Variants in IK observed in about 807,000 individuals in gnomAD.
IK encodes protein Red.
A neutral mutation model predicts 90.9 loss-of-function variants in IK; 47 were observed. That is an observed-to-expected ratio of 0.52 (90% CI 0.41 to 0.66). The LOEUF is 0.66. Ranked by LOEUF, IK falls within the 30% of genes least tolerant of loss-of-function variation. The pLI is 0.00. For missense variants in IK, 385 were observed against 709.3 expected (o/e 0.54, Z 5.19); for synonymous variants, 201 against 227.5 (o/e 0.88, Z 1.05).
chr5:140,654,663 A>C lies in IK; in HGVS notation c.591-18A>C. 1 of 1,596,352 alleles carries C rather than the reference A, an allele frequency of 6.3e-7. No individual in the cohort carries two copies. Among genetic ancestry groups the C allele is most frequent in the Non-Finnish European group, 8.6e-7 (1 of 1,168,832 alleles). ...TTAGAGCACATTTAGCAAAAATAAA[A>C]CTTTTTTGTCTTTTCAGGAAAGATG... On this transcript the variant is annotated intron_variant, in intron 7 of 19. Coordinates refer to ENST00000417647, the MANE Select transcript of IK (RefSeq NM_006083.4).
At chr5:140,648,775 C>T (rs1400958642) in intron 2 of IK, 10 of 515,632 alleles carry the variant, frequency 1.9e-5, no homozygotes, top group Middle Eastern at 5.2e-4. Flanking sequence ...TGTGTAATTA[C>T]ACATTATATA....
At position 140,655,984 on chromosome 5, in the gene IK, AC is replaced by A; in HGVS notation, c.795del (p.Met266TrpfsTer7). On this transcript the variant is annotated frameshift_variant, in exon 9 of 20. Transcript: ENST00000417647. LOFTEE classifies it high-confidence loss of function. ...TLIRSKADCP[T>X]MEAQTTLTTN... ...TATCCGCAGCAAGGCTGATTGCCCC[AC>A]CATGGAGGTGAGTGAATGGAATCCT... The A allele has an allele frequency of 6.4e-7, 1 of 1,552,230 alleles. No homozygotes were observed. Among genetic ancestry groups the A allele is most frequent in the Non-Finnish European group, 8.7e-7 (1 of 1,147,186 alleles).
rs200709351 is a variant in IK, at chr5:140,659,024, C to T, written c.1036C>T (p.Arg346Cys). 163 of 1,611,836 alleles carry T rather than the reference C, an allele frequency of 1.0e-4. No individual in the cohort carries two copies. The highest frequency in any genetic ancestry group is 1.2e-4 in the Non-Finnish European group (147 of 1,178,236). The change falls in exon 12 of 20, where the codon CGT becomes TGT. Residue 346 changes from arginine to cysteine, a missense_variant. Transcript: ENST00000417647. Reference sequence around the variant, plus strand: ...GCGGGAGAGATATCGGGAACGGGAGCGTGATCGGGAAAGAGACAGAGACCG... The same window carrying T: ...GCGGGAGAGATATCGGGAACGGGAGTGTGATCGGGAAAGAGACAGAGACCG... ...KERERYRERE[R>C]DRERDRDRDR...
In IK at chr5:140,652,244, T is replaced by C. The variant is rs183127570; in HGVS notation, c.236+97T>C. On this transcript the variant is annotated intron_variant, in intron 4 of 19. Transcript: ENST00000417647. ...TGAAGCTAGAAACTAAGATTTTGTC[T>C]TGAGGCTCTCTACTTTCTTAATGAA... 15 of 940,344 alleles carry C rather than the reference T, an allele frequency of 1.6e-5. No individual in the cohort carries two copies. In the African/African-American group the frequency reaches 2.1e-4, roughly 13 times the overall value. The allele number at this position is 940,344 out of a possible 1,614,324, so 58.3% of individuals were successfully genotyped here. A position where few individuals can be genotyped will look rare whatever the true frequency, so the allele number is the denominator to read the frequency against.
chr5:140,648,579 T>A lies in IK; in HGVS notation c.83+42T>A, dbSNP rs558548348. Reference sequence around the variant, plus strand: ...AGGACCATGGAAATGAGTTGGGCAATGAATAGAAAAGTGGTGGTGATGGTG... The same window carrying A: ...AGGACCATGGAAATGAGTTGGGCAAAGAATAGAAAAGTGGTGGTGATGGTG... On this transcript the variant is annotated intron_variant, in intron 2 of 19. Coordinates refer to ENST00000417647, the MANE Select transcript of IK (RefSeq NM_006083.4). 120 of 1,569,824 alleles carry A rather than the reference T, an allele frequency of 7.6e-5. 3 individuals carry two copies. In the South Asian group the frequency reaches 1.3e-3, roughly 17 times the overall value.
intron 15 of IK, 76 bp from the exon 16 acceptor site, chr5:140,660,682 T>G (rs563224359): frequency 8.6e-7 from 1 of 1,165,782 alleles, no homozygotes; most frequent in African/African-American, 1.5e-5. Context: ...GCAGATAACC[T>G]CTTAGTCGGG....
At chr5:140,659,441 C>T (rs1757765481) in intron 13 of IK, 108 bp downstream of exon 13, 11 of 1,163,458 alleles carry the variant, frequency 9.5e-6, no homozygotes, top group Non-Finnish European at 1.4e-5. Context: ...GTTCTGGGTT[C>T]TTGTAAGAAC....
chr5:140,648,286 T>A, intron 1 of IK, 185 bp from the exon 2 acceptor site: 1 of 714,742 alleles, frequency 1.4e-6, no homozygotes, highest in South Asian at 1.5e-5. Flanking sequence ...CAGCGCAGGA[T>A]TAGGGTCCTC....
chr5:140,662,272 T>TA (rs1757811146), intron 19 of IK, 30 bp from the exon 20 acceptor site: 1 of 1,613,914 alleles, frequency 6.2e-7, no homozygotes, highest in Non-Finnish European at 8.5e-7. Context: ...GTATTGATCT[T>TA]ATACTGACCC....
Position 140,648,501 on chromosome 5 carries a change from A to G in IK, c.47A>G (p.Asp16Gly). Residue 16 changes from aspartate to glycine, a missense_variant, in exon 2 of 20, where the codon GAT becomes GGT. Transcript: ENST00000417647. Reference sequence around the variant, plus strand: ...CCGTTCTCCAACCCTTTGGCCCCCGATGGCCACGATGTGGATGATCCTCAC... The same window carrying G: ...CCGTTCTCCAACCCTTTGGCCCCCGGTGGCCACGATGTGGATGATCCTCAC... ...SEPFSNPLAP[D>G]GHDVDDPHSF... The G allele has an allele frequency of 6.2e-7, 1 of 1,614,020 alleles. No homozygotes were observed.
chr5:140,657,534 T>C lies in IK; in HGVS notation c.802-20T>C. 2 of 1,534,834 alleles carry C rather than the reference T, an allele frequency of 1.3e-6. No homozygotes were observed. The highest frequency in any genetic ancestry group is 1.8e-6 in the Non-Finnish European group (2 of 1,123,584). ...ATTTCTGCTGAGTGGTTTAACATTC[T>C]TGTTTCTTGGTATTTTCAGGCCCAG... is the stretch of plus-strand genomic sequence containing the variant. On this transcript the variant is annotated intron_variant, in intron 9 of 19. Transcript: ENST00000417647.
rs73791739 is a variant in IK at position 140,662,377 on chromosome 5, T to A, written c.*48T>A. 6,292 of 1,592,136 alleles carry A rather than the reference T, an allele frequency of 4.0e-3. 241 individuals carry two copies. The African/African-American group carries it at 0.076, about 19-fold the overall frequency. ...CTCCACAAGGATATGCTCCCCACTG[T>A]TTTCTTTCTACAATTTCCAAAGGTT... is the stretch of plus-strand genomic sequence containing the variant. On this transcript the variant is annotated 3_prime_UTR_variant, in exon 20 of 20. Coordinates refer to ENST00000417647, the MANE Select transcript of IK (RefSeq NM_006083.4).
At chr5:140,651,894 T>C (rs1366603996) in intron 3 of IK, 88 bp downstream of exon 3, 1 of 908,442 alleles carries the variant, frequency 1.1e-6, no homozygotes, top group African/African-American at 1.7e-5. Context: ...CTTTTAATAG[T>C]CCCTCAGGTA....
intron 6 of IK, 91 bp from the exon 7 acceptor site, chr5:140,654,425 T>G (rs1757671315): frequency 8.2e-6 from 8 of 977,250 alleles, no homozygotes; most frequent in Non-Finnish European, 1.2e-5. Context: ...ATGTTTAATA[T>G]TATATTCTTA....
intron 4 of IK, 66 bp downstream of exon 4, chr5:140,652,213 TA>T: frequency 1.7e-6 from 2 of 1,198,124 alleles, no homozygotes; most frequent in Non-Finnish European, 2.5e-6. Flanking sequence ...AAGTAGGGGC[TA>T]ATTATGAAGC....
intron 4 of IK, among the ~76,000 whole-genome samples, chr5:140,652,518 C>T (rs1247963291): frequency 1.3e-5 from 2 of 152,010 alleles, no homozygotes; most frequent in South Asian, 2.1e-4. Flanking sequence ...ATCTTGACGG[C>T]CATCATCATT....
intron 9 of IK, 37 bp from the exon 10 acceptor site, chr5:140,657,517 T>G: frequency 7.4e-7 from 1 of 1,354,512 alleles, no homozygotes; most frequent in Non-Finnish European, 1.0e-6. Context: ...AGATTTCTGC[T>G]GAGTGGTTTA....
At position 140,655,825 on chromosome 5, in the gene IK, G is replaced by T. The variant is rs370050707; in HGVS notation, c.638-4G>T. 1.2e-6 allele frequency: 2 copies of T among 1,609,616 alleles called. No homozygotes were observed. The highest frequency in any genetic ancestry group is 2.7e-5 in the African/African-American group (2 of 74,902). On this transcript the variant is annotated splice_region_variant and splice_polypyrimidine_tract_variant and intron_variant, in intron 8 of 19. Transcript: ENST00000417647. ...GCTACTTGCTGCTCTTCTCCTTATT[G>T]TAGGCCGCAATGTTTACCGAATGCT...
In IK at chr5:140,653,183, C is replaced by T. The variant is rs765064406; in HGVS notation, c.404+39C>T. The T allele has an allele frequency of 7.7e-6, 12 of 1,564,744 alleles. No individual in the cohort carries two copies. The African/African-American group carries it at 1.5e-4, about 19-fold the overall frequency. On this transcript the variant is annotated intron_variant, in intron 5 of 19. Transcript: ENST00000417647. ...GAACAGGGCATGGTTCCCTCAGCATCCGAGAGTCATGCAAATACAATGTGA... is the reference window on the plus strand; with the variant it reads ...GAACAGGGCATGGTTCCCTCAGCATTCGAGAGTCATGCAAATACAATGTGA...
Sources: allele counts gnomAD v4.1 joint callset (sites outside exome capture counted in the v4.1 genomes callset), GRCh38; gene constraint gnomAD v4.1.1; transcripts MANE v1.5; gene names NCBI Gene and HGNC (gene_info 2026-07-23, HGNC 2026-07-21).